PCDHGA3: variants seen among roughly 807,000 people sequenced by gnomAD.
PCDHGA3 encodes protocadherin gamma subfamily A, 3.
Under a neutral mutation model 58.5 loss-of-function variants are expected in PCDHGA3, and 40 were observed. That is an observed-to-expected ratio of 0.68 (90% CI 0.53 to 0.89). The LOEUF is 0.89. Among genes scored for constraint, PCDHGA3 ranks in the 40% least tolerant of loss-of-function variants. The pLI, the probability that PCDHGA3 is intolerant of heterozygous loss-of-function variation, is 0.00. For synonymous variants in PCDHGA3, 530 were observed against 525.7 expected (o/e 1.01, Z -0.11); for missense variants, 1,223 against 1,195.9 (o/e 1.02, Z -0.33).
intron 1 of PCDHGA3, chr5:141,411,852 C>G (rs992038456): frequency 1.3e-5 from 2 of 151,222 alleles, no homozygotes; most frequent in East Asian, 1.9e-4. Context: ...AGAGTGAGAC[C>G]CTGTCTCAAA....
chr5:141,444,472 C>A (rs559334960), intron 1 of PCDHGA3, among the ~76,000 whole-genome samples: 2 of 151,850 alleles, frequency 1.3e-5, no homozygotes, highest in Non-Finnish European at 2.9e-5. Context: ...CGCCCGGTCG[C>A]GTACTGGATT....
chr5:141,475,978 G>C, intron 1 of PCDHGA3: 1 of 1,010,712 alleles, frequency 9.9e-7, no homozygotes, highest in Non-Finnish European at 1.4e-6. Context: ...AGACTGAACA[G>C]CCGGCGAGCA....
chr5:141,419,589 C>T (rs1187251820), intron 1 of PCDHGA3: 1 of 1,611,856 alleles, frequency 6.2e-7, no homozygotes, highest in Non-Finnish European at 8.5e-7. Flanking sequence ...CTCTTCGACA[C>T]AGTGCCGCGG....
intron 1 of PCDHGA3, chr5:141,418,567 T>C: frequency 6.2e-7 from 1 of 1,614,014 alleles, no homozygotes; most frequent in Non-Finnish European, 8.5e-7. Flanking sequence ...TAGATGCCAA[T>C]GACAACCCCC....
intron 1 of PCDHGA3, among the ~76,000 whole-genome samples, chr5:141,438,771 C>T (rs1056879944): frequency 1.3e-5 from 2 of 149,126 alleles, no homozygotes; most frequent in Non-Finnish European, 3.0e-5. Flanking sequence ...AAGCGATTCT[C>T]CTGCCTCAGC....
chr5:141,486,263 G>GAACCTGGC lies in PCDHGA3; in HGVS notation c.2425-8542_2425-8535dup. 6.2e-7 allele frequency: 1 copy of GAACCTGGC among 1,614,090 alleles called. No homozygotes were observed. Among genetic ancestry groups the GAACCTGGC allele is most frequent in the South Asian group, 1.1e-5 (1 of 91,064 alleles). On this transcript the variant is annotated intron_variant, in intron 1 of 3. Coordinates refer to ENST00000253812, the MANE Select transcript of PCDHGA3 (RefSeq NM_018916.4). This position sits in a 1 kb window ranked among gnomAD's most constrained non-coding sequence, Gnocchi z 5.0. ...GCTTGGAACCCTCCCCGAGAGTGCAGAACCTGGCACTGTGGTGGCACTTAT... is the reference window on the plus strand; with the variant it reads ...GCTTGGAACCCTCCCCGAGAGTGCAGAACCTGGCAACCTGGCACTGTGGTGGCACTTAT...
chr5:141,415,305 C>G (rs200439097), intron 1 of PCDHGA3: 1 of 1,614,234 alleles, frequency 6.2e-7, no homozygotes, highest in African/African-American at 1.3e-5. Context: ...TCTTCCTGGC[C>G]TTCGTCATCG....
chr5:141,409,803 C>T (rs779815582), intron 1 of PCDHGA3: 3 of 1,611,528 alleles, frequency 1.9e-6, no homozygotes, highest in African/African-American at 1.3e-5. Flanking sequence ...ACGCTGCAGG[C>T]CCGCGACCAC....
At chr5:141,389,790 G>A (rs1328126483) in intron 1 of PCDHGA3, 4 of 1,613,352 alleles carry the variant, frequency 2.5e-6, no homozygotes, top group Non-Finnish European at 3.4e-6. Flanking sequence ...CAGGGACGCC[G>A]TCCGCCAGCG....
chr5:141,371,466 GA>G (rs756224078), intron 1 of PCDHGA3: 1 of 1,613,980 alleles, frequency 6.2e-7, no homozygotes, highest in Non-Finnish European at 8.5e-7. Context: ...ACATATACAA[GA>G]AGATGCTGAG....
intron 1 of PCDHGA3, chr5:141,365,905 G>A (rs539434078): frequency 1.2e-6 from 2 of 1,614,190 alleles, no homozygotes; most frequent in East Asian, 2.2e-5. Flanking sequence ...ATGAGCAGTT[G>A]AGAGACCTAC....
Position 141,491,622 on chromosome 5 carries a change from C to T in PCDHGA3, c.2425-3185C>T, listed in dbSNP as rs980546113. 15 of 1,613,786 alleles carry T rather than the reference C, an allele frequency of 9.3e-6. No individual in the cohort carries two copies. Among genetic ancestry groups the T allele is most frequent in the Non-Finnish European group, 1.3e-5 (15 of 1,180,002 alleles). Reference sequence around the variant, plus strand: ...ACTTCACTTTTCTAAGACCCCTCAGCGTTCAGCAGCCCACAGCTCTGGCGC... The same window carrying T: ...ACTTCACTTTTCTAAGACCCCTCAGTGTTCAGCAGCCCACAGCTCTGGCGC... On this transcript the variant is annotated intron_variant, in intron 1 of 3. Transcript: ENST00000253812. This position sits in a 1 kb window ranked among gnomAD's most constrained non-coding sequence, Gnocchi z 6.9.
Position 141,431,474 on chromosome 5 carries a change from G to C in PCDHGA3, c.2425-63333G>C. On this transcript the variant is annotated intron_variant, in intron 1 of 3. Coordinates refer to ENST00000253812, the MANE Select transcript of PCDHGA3 (RefSeq NM_018916.4). The surrounding 1 kb of genome is among the most constrained non-coding windows in gnomAD (Gnocchi z 4.8). The stretch of plus-strand genomic sequence containing the variant: ...GATGGTTCTGGATGCGAACGACAAC[G>C]CACCAGCGTTTGCTCAGCCCGAGTA... 6.2e-7 allele frequency: 1 copy of C among 1,613,842 alleles called. No individual in the cohort carries two copies. The highest frequency in any genetic ancestry group is 8.5e-7 in the Non-Finnish European group (1 of 1,179,958).
In PCDHGA3 at chr5:141,344,745, A is replaced by G. The variant is rs1241021447; in HGVS notation, c.712A>G (p.Asn238Asp). ...IQVIVLDAND[N>D]PPMFTQPEYR... ...AGTGATAGTCCTGGATGCAAATGAC[A>G]ACCCACCAATGTTTACTCAGCCTGA... Residue 238 changes from asparagine to aspartate, a missense_variant, in exon 1 of 4, where the codon AAC becomes GAC. By Grantham distance (23) the Asn-to-Asp change is conservative (BLOSUM62 1). Coordinates refer to ENST00000253812, the MANE Select transcript of PCDHGA3 (RefSeq NM_018916.4). The G allele has an allele frequency of 1.2e-6, 2 of 1,614,032 alleles. No individual in the cohort carries two copies. The highest frequency in any genetic ancestry group is 1.7e-5 in the Admixed American group (1 of 60,022).
chr5:141,486,985 T>C lies in PCDHGA3; in HGVS notation c.2425-7822T>C. On this transcript the variant is annotated intron_variant, in intron 1 of 3. Coordinates refer to ENST00000253812, the MANE Select transcript of PCDHGA3 (RefSeq NM_018916.4). The surrounding 1 kb of genome is among the most constrained non-coding windows in gnomAD (Gnocchi z 5.0). ...TGGACTTGGATTCAGGTTACAATGC[T>C]TGGGTTTCCTATCAGCTCCTGGAGG... 1 of 1,614,208 alleles carries C rather than the reference T, an allele frequency of 6.2e-7. No individual in the cohort carries two copies. The highest frequency in any genetic ancestry group is 8.5e-7 in the Non-Finnish European group (1 of 1,180,040).
chr5:141,445,376 A>T (rs1182418123), intron 1 of PCDHGA3, among the ~76,000 whole-genome samples: 1 of 152,220 alleles, frequency 6.6e-6, no homozygotes, highest in Non-Finnish European at 1.5e-5. Context: ...TGGGTGGTTC[A>T]TTCATTCATT....
At chr5:141,441,173 C>G (rs2098230611) in intron 1 of PCDHGA3, 1 of 152,180 alleles carries the variant, frequency 6.6e-6, no homozygotes, top group South Asian at 2.1e-4. Context: ...ATTTTTACTT[C>G]TAATTCCACA....
At chr5:141,470,599 C>T (rs967683467) in intron 1 of PCDHGA3, among the ~76,000 whole-genome samples, 12 of 152,194 alleles carry the variant, frequency 7.9e-5, no homozygotes, top group Non-Finnish European at 1.2e-4. Context: ...GCGACCTGTG[C>T]GGGGACACAG....
At chr5:141,464,470 C>T (rs1175806879) in intron 1 of PCDHGA3, among the ~76,000 whole-genome samples, 3 of 151,194 alleles carry the variant, frequency 2.0e-5, no homozygotes, top group Non-Finnish European at 2.9e-5. Flanking sequence ...GAAGTATGTA[C>T]GTATAATAAA....
Sources: allele counts gnomAD v4.1 joint callset (sites outside exome capture counted in the v4.1 genomes callset), GRCh38; gene constraint gnomAD v4.1.1; non-coding constraint Gnocchi (gnomAD v3.1); transcripts MANE v1.5; gene names NCBI Gene and HGNC (gene_info 2026-07-23, HGNC 2026-07-21).